TTC34: variants seen among roughly 807,000 people sequenced by gnomAD.
TTC34 encodes tetratricopeptide repeat protein 34.
A neutral mutation model predicts 40.7 loss-of-function variants in TTC34; 44 were observed. That is an observed-to-expected ratio of 1.08 (90% confidence interval 0.85 to 1.39). The LOEUF (loss-of-function observed/expected upper bound fraction) is 1.39, where lower values mean the gene tolerates loss of function less well. Among genes scored for constraint, TTC34 ranks in the 40% most tolerant of loss-of-function variants. The pLI, the probability that TTC34 is intolerant of heterozygous loss-of-function variation, is 0.00. For synonymous variants in TTC34, 422 were observed against 398.6 expected (o/e 1.06, Z -0.70); for missense variants, 884 against 838.0 (o/e 1.05, Z -0.68).
chr1:2,785,398 C>T (rs967638765), intron 5 of TTC34, among the ~76,000 whole-genome samples: 2 of 152,194 alleles, frequency 1.3e-5, no homozygotes, highest in African/African-American at 4.8e-5. Context: ...AAGCAGGCAG[C>T]ACCCCCGTGC....
chr1:2,748,779 C>T (rs1354052752), intron 6 of TTC34, among the ~76,000 whole-genome samples: 493 of 37,066 alleles, frequency 0.013, 4 homozygotes, highest in East Asian at 0.026. Context: ...GAGCATCCGG[C>T]AGCCTGGAGC....
chr1:2,673,457 C>G (rs1639775813), intron 6 of TTC34, among the ~76,000 whole-genome samples: 1 of 79,778 alleles, frequency 1.3e-5, no homozygotes, highest in Non-Finnish European at 3.0e-5. Flanking sequence ...CATCTGACAG[C>G]CTGGAACAGA....
chr1:2,789,426 GA>G, intron 3 of TTC34, 76 bp downstream of exon 3: 1 of 1,369,732 alleles, frequency 7.3e-7, no homozygotes, highest in Non-Finnish European at 9.7e-7. Context: ...TGTAAAATAG[GA>G]GGAAACACAT....
intron 6 of TTC34, among the ~76,000 whole-genome samples, chr1:2,684,555 A>C (rs1465922890): frequency 7.2e-6 from 1 of 138,536 alleles, no homozygotes; most frequent in African/African-American, 3.0e-5. Context: ...CAGCTCCCAC[A>C]ACCCCAGGTG....
At chr1:2,687,259 C>A (rs1436308774) in intron 6 of TTC34, among the ~76,000 whole-genome samples, 2 of 126,154 alleles carry the variant, frequency 1.6e-5, no homozygotes, top group Non-Finnish European at 3.2e-5. Context: ...AGGTGCGCAT[C>A]TGATGGTCTG....
chr1:2,683,469 A>C (rs1377946066), intron 6 of TTC34, among the ~76,000 whole-genome samples: 3 of 151,480 alleles, frequency 2.0e-5, no homozygotes, highest in Middle Eastern at 3.4e-3. Context: ...AGCAGCACCC[A>C]CACCACCAGG....
chr1:2,754,821 C>A lies in TTC34; in HGVS notation c.2226+28788G>T, dbSNP rs1641451089. Among the ~76,000 whole-genome samples, 8 of 151,388 alleles carry A rather than the reference C, an allele frequency of 5.3e-5. No individual in the cohort carries two copies. In the South Asian group the frequency reaches 8.3e-4, roughly 16 times the overall value. On this transcript the variant is annotated intron_variant, in intron 6 of 8. Coordinates refer to ENST00000401095, the Ensembl canonical transcript of TTC34. Reference sequence around the variant, plus strand: ...ACAGCCTGGAACAGAAACCACACCCCCAGGTGAGCATCTGACAGACTGGAA... The same window carrying A: ...ACAGCCTGGAACAGAAACCACACCCACAGGTGAGCATCTGACAGACTGGAA...
At chr1:2,652,597 A>ACCCACACC in intron 6 of TTC34, among the ~76,000 whole-genome samples, 1 of 151,932 alleles carries the variant, frequency 6.6e-6, no homozygotes, top group Non-Finnish European at 1.5e-5. Context: ...CTGGAGCAGC[A>ACCCACACC]CCCAGAAGCC....
At chr1:2,767,905 A>C (rs1207421566) in intron 6 of TTC34, among the ~76,000 whole-genome samples, 3 of 143,616 alleles carry the variant, frequency 2.1e-5, no homozygotes, top group Non-Finnish European at 3.1e-5. Context: ...TGAGCATCTG[A>C]CAACCAGAAC....
At chr1:2,685,357 A>G (rs1324402781) in intron 6 of TTC34, among the ~76,000 whole-genome samples, 2 of 141,414 alleles carry the variant, frequency 1.4e-5, no homozygotes, top group African/African-American at 5.8e-5. Context: ...CGGCACCCAC[A>G]CCCCTAGGTG....
chr1:2,687,286 C>T (rs1570817284), intron 6 of TTC34, among the ~76,000 whole-genome samples: 2 of 147,316 alleles, frequency 1.4e-5, no homozygotes, highest in East Asian at 3.9e-4. Flanking sequence ...CACCCACAAC[C>T]ACAGGTGAGC....
rs777386932 is a variant in TTC34, at chr1:2,785,932, C to T, written c.1946G>A (p.Gly649Asp). 63 of 1,527,514 alleles carry T rather than the reference C, an allele frequency of 4.1e-5. No homozygotes were observed. The highest frequency in any genetic ancestry group is 5.3e-5 in the Non-Finnish European group (60 of 1,132,834). 94.6% of individuals were successfully genotyped at this position (1,527,514 alleles called of 1,614,324 possible). A position where few individuals can be genotyped will look rare whatever the true frequency, so the allele number is the denominator to read the frequency against. ...GGCCAGGGCCCTGGCGTGGCAGTGG[C>T]CTTGAAGCAGCTGCCGGTCCTCGTG... Residue 649 changes from glycine (G) to aspartate (D), a missense_variant, in exon 5 of 9, where the codon GGC becomes GAC. Physicochemically the swap from Gly to Asp is moderately conservative, Grantham distance 94. Coordinates refer to ENST00000401095, the Ensembl canonical transcript of TTC34.
intron 2 of TTC34, among the ~76,000 whole-genome samples, chr1:2,795,379 C>T (rs926680319): frequency 5.3e-5 from 8 of 152,208 alleles, no homozygotes; most frequent in African/African-American, 1.4e-4. Context: ...GTGGCTTTAC[C>T]GGACAAGAGA....
chr1:2,655,246 A>AGTCTGCTCCCGGAGGTGGG (rs1223946446), intron 6 of TTC34, among the ~76,000 whole-genome samples: 1 of 106,920 alleles, frequency 9.4e-6, no homozygotes, highest in Admixed American at 1.1e-4. Flanking sequence ...CTGGAGCAGC[A>AGTCTGCTCCCGGAGGTGGG]CGCACACCCC....
intron 6 of TTC34, among the ~76,000 whole-genome samples, chr1:2,692,065 C>A (rs1254073028): frequency 2.1e-4 from 18 of 84,156 alleles, no homozygotes; most frequent in Middle Eastern, 7.4e-3. Flanking sequence ...GCACCCACAC[C>A]CCCAGGTGAA....
intron 6 of TTC34, among the ~76,000 whole-genome samples, chr1:2,780,963 A>T (rs1643473582): frequency 6.6e-6 from 1 of 152,106 alleles, no homozygotes; most frequent in South Asian, 2.1e-4. Flanking sequence ...TCATTGTACA[A>T]ATCTTTCACC....
At position 2,699,459 on chromosome 1, in the gene TTC34, G is replaced by A. The variant is rs551842088; in HGVS notation, c.2227-53896C>T. Among the ~76,000 whole-genome samples, 1,056 of 119,788 alleles carry A rather than the reference G, an allele frequency of 8.8e-3. 72 individuals carry two copies. Among genetic ancestry groups the A allele is most frequent in the African/African-American group, 0.028 (1,003 of 36,088 alleles). The allele number at this position is 119,788 out of a possible 152,430, so 78.6% of individuals were successfully genotyped here. A position where few individuals can be genotyped will look rare whatever the true frequency, so the allele number is the denominator to read the frequency against. On this transcript the variant is annotated intron_variant, in intron 6 of 8. Transcript: ENST00000401095. ...CCTGGAACATCACCCCGCACCCACA[G>A]GCGAGCATCTGACAGCCTGGAGCAG...
At chr1:2,759,607 G>GAGCATCCGCCAGACTGGAAC (rs1641624770) in intron 6 of TTC34, among the ~76,000 whole-genome samples, 1 of 152,040 alleles carries the variant, frequency 6.6e-6, no homozygotes, top group African/African-American at 2.4e-5. Flanking sequence ...ACCGCCAGGC[G>GAGCATCCGCCAGACTGGAAC]AGCATCCGCC....
At chr1:2,684,362 G>A (rs1232924651) in intron 6 of TTC34, among the ~76,000 whole-genome samples, 14 of 152,144 alleles carry the variant, frequency 9.2e-5, no homozygotes, top group African/African-American at 2.9e-4. Flanking sequence ...ACACCCACAG[G>A]TGAGCATCTG....
Sources: allele counts gnomAD v4.1 joint callset (sites outside exome capture counted in the v4.1 genomes callset), GRCh38; gene constraint gnomAD v4.1.1; transcripts MANE v1.5; gene names NCBI Gene and HGNC (gene_info 2026-07-23, HGNC 2026-07-21).